The following TRERF1 variants were observed in gnomAD, a reference collection of about 807,000 sequenced individuals.
TRERF1 encodes transcriptional regulating factor 1.
Under a neutral mutation model 122.9 loss-of-function variants are expected in TRERF1, and 27 were observed. That is an observed-to-expected ratio of 0.22 (90% confidence interval 0.16 to 0.30). The LOEUF is 0.30. Among genes scored for constraint, TRERF1 ranks in the 10% least tolerant of loss-of-function variants. The probability of loss-of-function intolerance (pLI) is 1.00; values close to 1 mark genes in which losing one functional copy is unlikely to be tolerated. For missense variants in TRERF1, 1,248 were observed against 1,560.3 expected (o/e 0.80, Z 3.37); for synonymous variants, 636 against 641.7 (o/e 0.99, Z 0.13).
chr6:42,307,275 T>G (rs112922756), intron 3 of TRERF1, among the ~76,000 whole-genome samples: 114 of 152,268 alleles, frequency 7.5e-4, no homozygotes, highest in African/African-American at 2.6e-3. Context: ...TTCCTTTCAT[T>G]AAGTGCTCCC....
At chr6:42,394,019 T>C (rs1247410553) in intron 2 of TRERF1, among the ~76,000 whole-genome samples, 3 of 152,188 alleles carry the variant, frequency 2.0e-5, no homozygotes, top group Non-Finnish European at 4.4e-5. Flanking sequence ...ATTTCCTATA[T>C]GTTCCAACTT....
At chr6:42,354,518 TTTAA>T (rs1429953198) in intron 3 of TRERF1, among the ~76,000 whole-genome samples, 2 of 152,198 alleles carry the variant, frequency 1.3e-5, no homozygotes, top group Admixed American at 6.5e-5. Flanking sequence ...CATTTTGCAC[TTTAA>T]TTGTTTAATC....
intron 3 of TRERF1, among the ~76,000 whole-genome samples, chr6:42,325,191 A>C (rs1283345874): frequency 6.6e-6 from 1 of 152,242 alleles, no homozygotes; most frequent in Non-Finnish European, 1.5e-5. Flanking sequence ...AATGCAAATC[A>C]AAGCTATAAT....
chr6:42,262,442 G>C (rs55880757), intron 8 of TRERF1, among the ~76,000 whole-genome samples: 22,766 of 57,078 alleles, frequency 0.4, 5,331 homozygotes, highest in South Asian at 0.54. Context: ...GGCAGAGAGA[G>C]AGAGAGAGAG....
In TRERF1 at chr6:42,229,857, T is replaced by C. The variant is rs531642127; in HGVS notation, c.3279-1188A>G. Among the ~76,000 whole-genome samples the C allele has an allele frequency of 5.7e-4, 87 of 152,362 alleles. No homozygotes were observed. In the Middle Eastern group the frequency reaches 0.017, roughly 30 times the overall value. On this transcript the variant is annotated intron_variant, in intron 17 of 17. Coordinates refer to ENST00000372922, the Ensembl canonical transcript of TRERF1. Reference sequence around the variant, plus strand: ...TATGGTCAGTGGGCCAAATCCTGACTGTTTTTGGGAATAAAGTTTTATTGG... The same window carrying C: ...TATGGTCAGTGGGCCAAATCCTGACCGTTTTTGGGAATAAAGTTTTATTGG...
intron 2 of TRERF1, among the ~76,000 whole-genome samples, chr6:42,382,731 T>G (rs957902726): frequency 6.6e-6 from 1 of 151,722 alleles, no homozygotes; most frequent in Admixed American, 6.6e-5. Context: ...GACCCCATTT[T>G]GCTTTACATC....
At chr6:42,399,491 C>T (rs1779091336) in intron 2 of TRERF1, among the ~76,000 whole-genome samples, 1 of 152,140 alleles carries the variant, frequency 6.6e-6, no homozygotes, top group South Asian at 2.1e-4. Flanking sequence ...TGAATGGAAG[C>T]CAACACCCAA....
At position 42,241,538 on chromosome 6, in the gene TRERF1, C is replaced by T. The variant is rs868682554; in HGVS notation, c.2859+1710G>A. 4.6e-5 allele frequency among the ~76,000 whole-genome samples: 7 copies of T among 151,762 alleles called. No homozygotes were observed. The East Asian group carries it at 7.8e-4, about 17-fold the overall frequency. ...GTGCAATGGTGCAATCTCGGCTCACCGCAACTTCTGCCTCCTGGGTTCAAG... is the reference window on the plus strand; with the variant it reads ...GTGCAATGGTGCAATCTCGGCTCACTGCAACTTCTGCCTCCTGGGTTCAAG... On this transcript the variant is annotated intron_variant, in intron 15 of 17. Transcript: ENST00000372922.
chr6:42,406,887 T>G (rs1222229365), intron 2 of TRERF1, among the ~76,000 whole-genome samples: 1 of 152,204 alleles, frequency 6.6e-6, no homozygotes, highest in Non-Finnish European at 1.5e-5. Flanking sequence ...TGTTTTGGCA[T>G]GCATCCAGGG....
At chr6:42,245,485 C>T (rs981995176) in intron 14 of TRERF1, among the ~76,000 whole-genome samples, 2 of 152,198 alleles carry the variant, frequency 1.3e-5, no homozygotes, top group Non-Finnish European at 2.9e-5. Flanking sequence ...TCTTTGTGTA[C>T]CTGAACAGCC....
At chr6:42,311,155 A>T (rs963006722) in intron 3 of TRERF1, among the ~76,000 whole-genome samples, 1 of 152,222 alleles carries the variant, frequency 6.6e-6, no homozygotes, top group Non-Finnish European at 1.5e-5. Flanking sequence ...AGTCTAGTGG[A>T]GGAGAATAAC....
At chr6:42,355,154 T>A (rs888527290) in intron 3 of TRERF1, among the ~76,000 whole-genome samples, 10 of 152,360 alleles carry the variant, frequency 6.6e-5, no homozygotes, top group South Asian at 4.1e-4. Flanking sequence ...TAACGAGTGA[T>A]GCCTTTATTG....
In TRERF1 at chr6:42,236,309, C is replaced by T. The variant is rs942522864; in HGVS notation, c.2962G>A (p.Glu988Lys). The T allele has an allele frequency of 3.1e-6, 5 of 1,606,598 alleles. No individual in the cohort carries two copies. Among genetic ancestry groups the T allele is most frequent in the African/African-American group, 2.7e-5 (2 of 74,894 alleles). The change falls in exon 16 of 18, where the codon GAG becomes AAG. Residue 988 changes from glutamate to lysine, a missense_variant. By Grantham distance (56) the Glu-to-Lys change is moderately conservative. This residue lies in a region of TRERF1 where 159 missense variants were observed against 221.7 expected (regional missense o/e 0.72). Coordinates refer to ENST00000372922, the Ensembl canonical transcript of TRERF1. ...GCCAGGACGGGGACGGGTGGTGGCT[C>T]CGGGGACTTCGGCACCTCACTCTCT...
In TRERF1 at chr6:42,276,224, CACAG is replaced by C. The variant is rs1465041654; in HGVS notation, c.-258-6380_-258-6377del. Among the ~76,000 whole-genome samples the C allele has an allele frequency of 1.3e-5, 2 of 152,320 alleles. No homozygotes were observed. Among genetic ancestry groups the C allele is most frequent in the Admixed American group, 1.3e-4 (2 of 15,296 alleles). On this transcript the variant is annotated intron_variant, in intron 4 of 17. Transcript: ENST00000372922. This position sits in a 1 kb window ranked among gnomAD's most constrained non-coding sequence, Gnocchi z 4.3. ...TAAGGGCCACCCTTTGAACCAGAGACACAGACAGAGAGATACACCAGGAGAGGAA... is the reference window on the plus strand; with the variant it reads ...TAAGGGCCACCCTTTGAACCAGAGACACAGAGAGATACACCAGGAGAGGAA...
intron 2 of TRERF1, among the ~76,000 whole-genome samples, chr6:42,440,345 G>C (rs1016733015): frequency 2.0e-5 from 3 of 152,256 alleles, no homozygotes; most frequent in East Asian, 1.9e-4. Context: ...AGCGGGTCCT[G>C]AGTTTGGATA....
intron 2 of TRERF1, among the ~76,000 whole-genome samples, chr6:42,384,041 A>G (rs1224922125): frequency 1.3e-5 from 2 of 151,750 alleles, no homozygotes; most frequent in Admixed American, 1.3e-4. Flanking sequence ...GTAAATTGCT[A>G]CAACCTCCTT....
chr6:42,274,605 G>A (rs1015245614), intron 4 of TRERF1, among the ~76,000 whole-genome samples: 3 of 152,004 alleles, frequency 2.0e-5, no homozygotes, highest in Non-Finnish European at 4.4e-5. Flanking sequence ...CTTGAACTTG[G>A]GAGGTCAAGG....
chr6:42,396,297 G>T (rs998564957), intron 2 of TRERF1, among the ~76,000 whole-genome samples: 77 of 152,074 alleles, frequency 5.1e-4, no homozygotes, highest in African/African-American at 1.5e-3. Flanking sequence ...CCCTTGCTCC[G>T]ACCGACTGAA....
At chr6:42,368,895 A>T (rs547433582) in intron 2 of TRERF1, among the ~76,000 whole-genome samples, 1 of 152,294 alleles carries the variant, frequency 6.6e-6, no homozygotes, top group East Asian at 1.9e-4. Context: ...AGTATCTGAA[A>T]GGAATGAAAT....
Sources: gnomAD v4.1 joint callset for allele counts (sites outside exome capture counted in the v4.1 genomes callset) on GRCh38, gnomAD v4.1.1 for gene constraint, gnomAD v4.1.1 regional missense constraint, Gnocchi (gnomAD v3.1) non-coding constraint, MANE v1.5 for transcripts, NCBI Gene and HGNC (gene_info 2026-07-23, HGNC 2026-07-21) for gene names.